The following SNRPN variants were observed in gnomAD, a reference collection of about 807,000 sequenced individuals.
The protein encoded by SNRPN is small nuclear ribonucleoprotein polypeptide N.
In SNRPN, 7 loss-of-function variants were observed where a neutral mutation model predicts 25.2. The observed-to-expected ratio is 0.28, with a 90% CI of 0.16 to 0.52. SNRPN has a LOEUF of 0.52. SNRPN is among the 20% of genes least tolerant of loss of function. SNRPN has a pLI of 0.96. For synonymous variants in SNRPN, 124 were observed against 110.6 expected (o/e 1.12, Z -0.76); for missense variants, 196 against 322.5 (o/e 0.61, Z 3.00).
chr15:24,943,191 GCCATAT>G (rs987472531), intron 3 of SNRPN, among the ~76,000 whole-genome samples: 1 of 152,004 alleles, frequency 6.6e-6, no homozygotes, highest in Non-Finnish European at 1.5e-5. Context: ...TGTATATCTG[GCCATAT>G]GTCCTTCCAA....
At chr15:24,843,673 GCTA>G (rs931399287) in intron 2 of SNRPN, among the ~76,000 whole-genome samples, 1 of 152,008 alleles carries the variant, frequency 6.6e-6, no homozygotes, top group Non-Finnish European at 1.5e-5. Context: ...TATAATCCCA[GCTA>G]CTCAGGAAGC....
At chr15:24,955,873 C>T (rs1026935644) in intron 1 of SNRPN, among the ~76,000 whole-genome samples, 20 of 151,428 alleles carry the variant, frequency 1.3e-4, no homozygotes, top group African/African-American at 4.6e-4. Flanking sequence ...ATGGCGGCCG[C>T]GGGGCCTGTC....
intron 3 of SNRPN, among the ~76,000 whole-genome samples, chr15:24,941,372 G>A (rs2061547238): frequency 6.6e-6 from 1 of 152,134 alleles, no homozygotes; most frequent in Admixed American, 6.6e-5. Context: ...TTCTGTAACT[G>A]GTCAGGTGGT....
chr15:24,963,202 C>T (rs183545236), intron 2 of SNRPN, among the ~76,000 whole-genome samples: 22 of 152,254 alleles, frequency 1.4e-4, no homozygotes, highest in Admixed American at 8.5e-4. Context: ...CATAAATCTA[C>T]CTTATTTTAC....
At chr15:24,884,540 C>A (rs2057017214) in intron 1 of SNRPN, among the ~76,000 whole-genome samples, 1 of 152,170 alleles carries the variant, frequency 6.6e-6, no homozygotes, top group Non-Finnish European at 1.5e-5. Context: ...GACCACGTTT[C>A]TCACCACTGT....
In SNRPN at chr15:24,978,323, G is replaced by A. The variant is rs768794577; in HGVS notation, c.685+5G>A. 4 of 1,614,154 alleles carry A rather than the reference G, an allele frequency of 2.5e-6. No homozygotes were observed. Among genetic ancestry groups the A allele is most frequent in the Admixed American group, 1.7e-5 (1 of 60,022 alleles). On this transcript the variant is annotated splice_donor_5th_base_variant and intron_variant, in intron 9 of 9. Transcript: ENST00000390687. ...CCCCTCCACCAGGCATTAGAGGTGA[G>A]TGGGAGCATAGGGGTTTGATGGTTC...
chr15:24,974,260 T>G (rs2076807926), intron 3 of SNRPN, 51 bp from the exon 4 acceptor site: 1 of 596,680 alleles, frequency 1.7e-6, no homozygotes, highest in Non-Finnish European at 3.0e-6. Flanking sequence ...TGTCTGCCTG[T>G]TTTAAAACAT....
At position 24,929,342 on chromosome 15, in the gene SNRPN, TC is replaced by T. The variant is rs768814625; in HGVS notation, c.-391+9223del. On this transcript the variant is annotated intron_variant, in intron 3 of 11. Transcript: ENST00000400097. The surrounding 1 kb of genome is among the most constrained non-coding windows in gnomAD (Gnocchi z 5.3). ...TTCTGTTTCATCTCTTTCCCTACTC[TC>T]CCCCTTGCCTCCTAGGGTCCCCTTT... 2.0e-5 allele frequency among the ~76,000 whole-genome samples: 3 copies of T among 152,000 alleles called. No individual in the cohort carries two copies. The highest frequency in any genetic ancestry group is 4.4e-5 in the Non-Finnish European group (3 of 67,992).
intron 1 of SNRPN, among the ~76,000 whole-genome samples, chr15:24,872,258 C>T: frequency 8.6e-6 from 1 of 115,940 alleles, no homozygotes; most frequent in Non-Finnish European, 1.9e-5. Flanking sequence ...ACCTCTGCCT[C>T]CTGGGTTCAA....
chr15:24,937,786 T>C (rs2061325788), intron 3 of SNRPN, among the ~76,000 whole-genome samples: 1 of 151,996 alleles, frequency 6.6e-6, no homozygotes, highest in Non-Finnish European at 1.5e-5. Flanking sequence ...CCACACCCCA[T>C]CCCCTGGCAA....
At chr15:24,922,923 A>G (rs2060119780) in intron 3 of SNRPN, among the ~76,000 whole-genome samples, 2 of 41,626 alleles carry the variant, frequency 4.8e-5, no homozygotes, top group African/African-American at 2.7e-4. Flanking sequence ...TTTTGGGAAG[A>G]CAGAGTCTCG....
chr15:24,895,039 A>C (rs1189297221), intron 2 of SNRPN, among the ~76,000 whole-genome samples: 1 of 152,194 alleles, frequency 6.6e-6, no homozygotes, highest in Non-Finnish European at 1.5e-5. Context: ...AAGAGCGAAG[A>C]GTCATGGAGA....
chr15:24,834,849 C>G (rs1165920217), intron 2 of SNRPN, among the ~76,000 whole-genome samples: 2 of 135,484 alleles, frequency 1.5e-5, no homozygotes, highest in Non-Finnish European at 3.1e-5. Context: ...TCGCTTGAAT[C>G]TGGTAGGTGG....
At chr15:24,858,094 A>T (rs2053594478) in intron 1 of SNRPN, among the ~76,000 whole-genome samples, 1 of 152,140 alleles carries the variant, frequency 6.6e-6, no homozygotes, top group Non-Finnish European at 1.5e-5. Flanking sequence ...GTTTCACAAT[A>T]GTGATGTTAT....
chr15:24,860,328 A>G (rs1489189321), intron 1 of SNRPN, among the ~76,000 whole-genome samples: 1 of 115,470 alleles, frequency 8.7e-6, no homozygotes, highest in African/African-American at 2.8e-5. Context: ...ACTTGATACA[A>G]ACTGGTATTT....
intron 2 of SNRPN, among the ~76,000 whole-genome samples, chr15:24,835,089 A>ATAGAT: frequency 4.0e-5 from 1 of 25,082 alleles, no homozygotes. Flanking sequence ...CTATATATAA[A>ATAGAT]ATATATAGAT....
intron 1 of SNRPN, among the ~76,000 whole-genome samples, chr15:24,879,465 T>C (rs891717937): frequency 9.2e-5 from 14 of 152,010 alleles, no homozygotes; most frequent in African/African-American, 3.4e-4. Context: ...AAAGAAATTA[T>C]ACATTTAATT....
At chr15:24,910,152 G>T (rs1248032867) in intron 2 of SNRPN, among the ~76,000 whole-genome samples, 1 of 152,128 alleles carries the variant, frequency 6.6e-6, no homozygotes, top group Non-Finnish European at 1.5e-5. Flanking sequence ...CACAAACTTG[G>T]TGGAAGTATT....
intron 3 of SNRPN, among the ~76,000 whole-genome samples, chr15:24,924,606 T>C (rs970873450): frequency 1.3e-5 from 2 of 151,660 alleles, no homozygotes; most frequent in Non-Finnish European, 2.9e-5. Flanking sequence ...CCTCAGTCTC[T>C]CAAGTAGCTA....
Sources: gnomAD v4.1 joint callset for allele counts (sites outside exome capture counted in the v4.1 genomes callset) on GRCh38, gnomAD v4.1.1 for gene constraint, Gnocchi (gnomAD v3.1) non-coding constraint, MANE v1.5 for transcripts, NCBI Gene and HGNC (gene_info 2026-07-23, HGNC 2026-07-21) for gene names.